EFCAB13: variants seen among roughly 807,000 people sequenced by gnomAD.
EFCAB13 encodes the protein EF-hand calcium-binding domain-containing protein 13.
A neutral mutation model predicts 110.2 loss-of-function variants in EFCAB13; 91 were observed. That is an observed-to-expected ratio of 0.83 (90% confidence interval 0.70 to 0.98). The LOEUF (loss-of-function observed/expected upper bound fraction) is 0.98. Ranked by LOEUF, EFCAB13 falls within the 50% of genes least tolerant of loss-of-function variation. EFCAB13 has a pLI of 0.00. For synonymous variants in EFCAB13, 323 were observed against 369.9 expected, an observed-to-expected ratio of 0.87 and a Z score of 1.45; for missense variants, 968 against 1,119.4, an observed-to-expected ratio of 0.86 and a Z score of 1.93.
intron 9 of EFCAB13, among the ~76,000 whole-genome samples, chr17:47,357,831 T>C (rs2065489814): frequency 6.6e-6 from 1 of 152,198 alleles, no homozygotes; most frequent in South Asian, 2.1e-4. Flanking sequence ...GGAAAAATGA[T>C]GGATAGGAGG....
At chr17:47,338,243 G>GTTTTTTTT (rs11334311) in intron 5 of EFCAB13, among the ~76,000 whole-genome samples, 1 of 137,796 alleles carries the variant, frequency 7.3e-6, no homozygotes, top group Non-Finnish European at 1.6e-5. Flanking sequence ...GTCACTACTA[G>GTTTTTTTT]TTTTTTTTTT....
intron 14 of EFCAB13, among the ~76,000 whole-genome samples, chr17:47,388,705 C>T (rs916870019): frequency 6.6e-6 from 1 of 152,106 alleles, no homozygotes; most frequent in South Asian, 2.1e-4. Flanking sequence ...ATGAATAATA[C>T]TGAAATTAAC....
rs568248511 is a variant in EFCAB13 at position 47,364,094 on chromosome 17, G to T, written c.805+2573G>T. The stretch of plus-strand genomic sequence containing the variant: ...ATTTGGGGAGGTATATTGGACAAAT[G>T]ATACTAATTTTATAGAATTGTTATA... On this transcript the variant is annotated intron_variant, in intron 10 of 24. Transcript: ENST00000331493. 2.6e-5 allele frequency among the ~76,000 whole-genome samples: 4 copies of T among 152,216 alleles called. No individual in the cohort carries two copies. The East Asian group carries it at 7.7e-4, about 29-fold the overall frequency.
At chr17:47,392,293 A>G (rs1425270142) in intron 15 of EFCAB13, among the ~76,000 whole-genome samples, 1 of 152,248 alleles carries the variant, frequency 6.6e-6, no homozygotes, top group Non-Finnish European at 1.5e-5. Flanking sequence ...GTAGATTCAG[A>G]GACCCAAGAC....
intron 22 of EFCAB13, among the ~76,000 whole-genome samples, chr17:47,414,500 G>A (rs1415612433): frequency 1.0e-4 from 15 of 145,594 alleles, no homozygotes; most frequent in Non-Finnish European, 1.6e-4. Context: ...GCAACAGAGC[G>A]AGACTCCATC....
rs893783041 is a variant in EFCAB13, at chr17:47,396,257, A to T, written c.1945+280A>T. On this transcript the variant is annotated intron_variant, in intron 17 of 24. Transcript: ENST00000331493. ...ATGTTACTGGAAAATGGCATATCCC[A>T]ATGAACACAGAGGGCATGATTAGGA... 2.0e-5 allele frequency among the ~76,000 whole-genome samples: 3 copies of T among 152,142 alleles called. No homozygotes were observed. The South Asian group carries it at 6.2e-4, about 31-fold the overall frequency.
At chr17:47,403,248 A>G (rs1432445861) in intron 18 of EFCAB13, among the ~76,000 whole-genome samples, 1 of 152,228 alleles carries the variant, frequency 6.6e-6, no homozygotes, top group Non-Finnish European at 1.5e-5. Flanking sequence ...GTCTAATGCT[A>G]TCTTAAGTAC....
intron 10 of EFCAB13, among the ~76,000 whole-genome samples, chr17:47,365,301 G>C (rs2065539759): frequency 6.6e-6 from 1 of 152,136 alleles, no homozygotes; most frequent in Non-Finnish European, 1.5e-5. Context: ...CTTCCAATCA[G>C]AAAGAACAAA....
At chr17:47,352,361 G>A (rs778999537) in intron 9 of EFCAB13, among the ~76,000 whole-genome samples, 4 of 152,086 alleles carry the variant, frequency 2.6e-5, no homozygotes, top group Non-Finnish European at 5.9e-5. Flanking sequence ...CCTTTCACCA[G>A]TGTATGTTTT....
chr17:47,377,362 A>G (rs1006372527), intron 12 of EFCAB13, among the ~76,000 whole-genome samples: 2 of 152,222 alleles, frequency 1.3e-5, no homozygotes, highest in East Asian at 1.9e-4. Flanking sequence ...GGGTTTCACC[A>G]TGTTGGCCAG....
At chr17:47,350,771 G>A (rs1479137497) in intron 9 of EFCAB13, among the ~76,000 whole-genome samples, 1 of 152,064 alleles carries the variant, frequency 6.6e-6, no homozygotes, top group Non-Finnish European at 1.5e-5. Context: ...AAAGTGGTTG[G>A]AAAGGGTATT....
intron 8 of EFCAB13, among the ~76,000 whole-genome samples, chr17:47,346,018 T>C (rs570176788): frequency 1.3e-3 from 192 of 152,270 alleles, no homozygotes; most frequent in African/African-American, 4.3e-3. Context: ...CTGAATCTTT[T>C]CTCCCCTATT....
chr17:47,402,032 C>A, intron 17 of EFCAB13, 100 bp from the exon 18 acceptor site: 1 of 830,478 alleles, frequency 1.2e-6, no homozygotes, highest in Non-Finnish European at 2.1e-6. Context: ...AAATATGATT[C>A]TTAGGAGTGC....
intron 12 of EFCAB13, among the ~76,000 whole-genome samples, chr17:47,377,123 C>T (rs2065619901): frequency 1.3e-5 from 2 of 152,020 alleles, no homozygotes; most frequent in Non-Finnish European, 2.9e-5. Flanking sequence ...TCAATTTAAA[C>T]AAAACACTTC....
At chr17:47,402,262 G>T (rs2065783234) in intron 18 of EFCAB13, 59 bp downstream of exon 18, 1 of 1,504,320 alleles carries the variant, frequency 6.6e-7, no homozygotes, top group African/African-American at 1.4e-5. Context: ...ACTTGCTTTT[G>T]TTTTTGTTTT....
rs753124032 is a variant in EFCAB13 at position 47,377,951 on chromosome 17, A to G, written c.1510+48A>G. 4 of 1,496,764 alleles carry G rather than the reference A, an allele frequency of 2.7e-6. No homozygotes were observed. In the South Asian group the frequency reaches 5.2e-5, roughly 19 times the overall value. The allele number at this position is 1,496,764 out of a possible 1,614,324, so 92.7% of individuals were successfully genotyped here. ...GTTTCTGAGAAAGTTAGATATTTTTATCGGATAGTATTAAATATTGGAGGA... is the reference window on the plus strand; with the variant it reads ...GTTTCTGAGAAAGTTAGATATTTTTGTCGGATAGTATTAAATATTGGAGGA... On this transcript the variant is annotated intron_variant, in intron 13 of 24. Transcript: ENST00000331493.
rs777374163 is a variant in EFCAB13 at position 47,345,054 on chromosome 17, A to G, written c.473A>G (p.Tyr158Cys). ...EMLSNLYMTL[Y>C]DEVTHGYLHS... is the part of the protein sequence containing the mutation. The stretch of plus-strand genomic sequence containing the variant: ...CTGTCTAACCTCTACATGACATTAT[A>G]TGATGAAGTAACCCATGGATATTTA... Residue 158 changes from tyrosine (Y) to cysteine (C), a missense_variant, in exon 8 of 25, where the codon TAT becomes TGT. Tyr to Cys is a radical substitution (Grantham distance 194). Coordinates refer to ENST00000331493, the MANE Select transcript of EFCAB13 (RefSeq NM_152347.5). 41 of 1,607,392 alleles carry G rather than the reference A, an allele frequency of 2.6e-5. No individual in the cohort carries two copies. Among genetic ancestry groups the G allele is most frequent in the Non-Finnish European group, 3.3e-5 (39 of 1,176,910 alleles).
At chr17:47,383,987 T>C (rs2065661172) in intron 14 of EFCAB13, among the ~76,000 whole-genome samples, 1 of 152,190 alleles carries the variant, frequency 6.6e-6, no homozygotes, top group African/African-American at 2.4e-5. Context: ...TCTTTGTACG[T>C]CTCAAAGAAC....
Position 47,409,682 on chromosome 17 carries a change from A to C in EFCAB13, c.2269A>C (p.Lys757Gln), listed in dbSNP as rs2143462335. The C allele has an allele frequency of 1.2e-6, 2 of 1,610,456 alleles. No homozygotes were observed. Among genetic ancestry groups the C allele is most frequent in the Non-Finnish European group, 8.5e-7 (1 of 1,176,840 alleles). ...AGAGGCTTCAAATCTAAAATTACCAAAGGTAAACGGTGAGTAAGAACTTTG... is the reference window on the plus strand; with the variant it reads ...AGAGGCTTCAAATCTAAAATTACCACAGGTAAACGGTGAGTAAGAACTTTG... ...RKEASNLKLP[K>Q]VNEIKEAANI... is the part of the protein sequence containing the mutation. Residue 757 changes from lysine to glutamine, a missense_variant, in exon 21 of 25, where the codon AAG (lysine) becomes CAG (glutamine). Transcript: ENST00000331493.
Sources: gnomAD v4.1 joint callset for allele counts (sites outside exome capture counted in the v4.1 genomes callset) on GRCh38, gnomAD v4.1.1 for gene constraint, MANE v1.5 for transcripts, NCBI Gene and HGNC (gene_info 2026-07-23, HGNC 2026-07-21) for gene names.